STPG2: variants seen among roughly 807,000 people sequenced by gnomAD.
STPG2 encodes sperm tail PG-rich repeat containing 2, also known as sperm-tail PG-rich repeat-containing protein 2.
Under a neutral mutation model 54.2 loss-of-function variants are expected in STPG2, and 56 were observed. The observed-to-expected ratio is 1.03, with a 90% CI of 0.83 to 1.29. The LOEUF (loss-of-function observed/expected upper bound fraction) is 1.29, where lower values mean the gene tolerates loss of function less well. Among genes scored for constraint, STPG2 ranks in the 50% most tolerant of loss-of-function variants. The pLI is 0.00. For synonymous variants in STPG2, 200 were observed against 181.8 expected, an observed-to-expected ratio of 1.10 and a Z score of -0.81; for missense variants, 596 against 544.9, an observed-to-expected ratio of 1.09 and a Z score of -0.93.
intron 9 of STPG2, among the ~76,000 whole-genome samples, chr4:97,771,677 T>G (rs777109950): frequency 2.6e-5 from 4 of 152,118 alleles, no homozygotes; most frequent in African/African-American, 9.7e-5. Flanking sequence ...TATGCAGACA[T>G]GCAGAGGGAA....
intron 4 of STPG2, among the ~76,000 whole-genome samples, chr4:97,456,858 G>A (rs1204092786): frequency 1.5e-5 from 2 of 135,450 alleles, no homozygotes; most frequent in Non-Finnish European, 3.0e-5. Context: ...TCGCGCCACC[G>A]CACTCCAGCC....
At chr4:97,806,583 A>T (rs970580590) in intron 9 of STPG2, among the ~76,000 whole-genome samples, 1 of 152,004 alleles carries the variant, frequency 6.6e-6, no homozygotes, top group Non-Finnish European at 1.5e-5. Context: ...CATCACAATC[A>T]TGCCATCCTC....
intron 10 of STPG2, among the ~76,000 whole-genome samples, chr4:97,571,140 T>G (rs1732589527): frequency 6.6e-6 from 1 of 152,016 alleles, no homozygotes; most frequent in South Asian, 2.1e-4. Flanking sequence ...ATTTTTAAAT[T>G]TTTATTTCCC....
intron 7 of STPG2, among the ~76,000 whole-genome samples, chr4:97,960,095 T>C (rs1989109): frequency 6.6e-6 from 1 of 151,628 alleles, no homozygotes; most frequent in Non-Finnish European, 1.5e-5. Flanking sequence ...AAAAAGAAAA[T>C]TCACATGATC....
intron 10 of STPG2, among the ~76,000 whole-genome samples, chr4:97,628,373 T>C (rs1237786577): frequency 6.6e-6 from 1 of 152,012 alleles, no homozygotes; most frequent in Admixed American, 6.6e-5. Context: ...TGTGCCAGAG[T>C]GAATAATTTG....
intron 9 of STPG2, among the ~76,000 whole-genome samples, chr4:97,737,070 C>T (rs1725028354): frequency 6.6e-6 from 1 of 152,174 alleles, no homozygotes; most frequent in Non-Finnish European, 1.5e-5. Context: ...CGCTGTTCTG[C>T]AGCCACCGCT....
intron 8 of STPG2, among the ~76,000 whole-genome samples, chr4:97,856,712 G>A (rs1729349043): frequency 6.6e-6 from 1 of 152,170 alleles, no homozygotes; most frequent in Non-Finnish European, 1.5e-5. Flanking sequence ...TAGAAGTGGT[G>A]AGAGAGGGCA....
intron 5 of STPG2, among the ~76,000 whole-genome samples, chr4:98,027,683 G>A (rs954254622): frequency 1.3e-5 from 2 of 152,196 alleles, no homozygotes; most frequent in African/African-American, 4.8e-5. Context: ...TCAAAACCCT[G>A]TAAGGAAAAC....
chr4:97,744,514 C>T (rs1474486410), intron 9 of STPG2, among the ~76,000 whole-genome samples: 1 of 151,050 alleles, frequency 6.6e-6, no homozygotes, highest in Non-Finnish European at 1.5e-5. Flanking sequence ...ATTGGTTTTG[C>T]TTACTATTAG....
At chr4:97,776,694 C>T (rs533431345) in intron 9 of STPG2, among the ~76,000 whole-genome samples, 2 of 152,098 alleles carry the variant, frequency 1.3e-5, no homozygotes, top group East Asian at 3.9e-4. Flanking sequence ...AGGACATTGC[C>T]TATAGGAAAG....
chr4:97,719,263 C>T (rs1724378155), intron 9 of STPG2, among the ~76,000 whole-genome samples: 1 of 151,906 alleles, frequency 6.6e-6, no homozygotes, highest in South Asian at 2.1e-4. Context: ...CCTTCTATAG[C>T]TTTAGAAATG....
chr4:97,816,434 T>C (rs532658387), intron 9 of STPG2, among the ~76,000 whole-genome samples: 1 of 152,340 alleles, frequency 6.6e-6, no homozygotes, highest in South Asian at 2.1e-4. Flanking sequence ...TTTCTGGATC[T>C]ATATCCTTAA....
intron 8 of STPG2, among the ~76,000 whole-genome samples, chr4:97,885,102 C>A (rs574571564): frequency 6.6e-6 from 1 of 152,120 alleles, no homozygotes; most frequent in African/African-American, 2.4e-5. Context: ...AGAAACGTAA[C>A]GCTTAACATA....
At chr4:97,671,197 G>C (rs1722684950) in intron 10 of STPG2, among the ~76,000 whole-genome samples, 1 of 152,152 alleles carries the variant, frequency 6.6e-6, no homozygotes, top group South Asian at 2.1e-4. Context: ...AAGGATCAAA[G>C]GATTCCACTA....
intron 9 of STPG2, among the ~76,000 whole-genome samples, chr4:97,802,284 CAT>C (rs1318559210): frequency 6.6e-6 from 1 of 152,106 alleles, no homozygotes; most frequent in African/African-American, 2.4e-5. Flanking sequence ...ACTTTCAAAA[CAT>C]ATTCTAGAGA....
intron 4 of STPG2, among the ~76,000 whole-genome samples, chr4:97,463,920 C>T (rs1729728974): frequency 6.6e-6 from 1 of 152,120 alleles, no homozygotes; most frequent in African/African-American, 2.4e-5. Flanking sequence ...TTTAGTAGAT[C>T]AGGTCTTTGT....
intron 10 of STPG2, among the ~76,000 whole-genome samples, chr4:97,619,235 G>A (rs1003582677): frequency 6.6e-6 from 1 of 152,164 alleles, no homozygotes; most frequent in South Asian, 2.1e-4. Flanking sequence ...TTGTGTGTGT[G>A]TGTATGTGTG....
intron 4 of STPG2, among the ~76,000 whole-genome samples, chr4:97,511,263 G>GA (rs1256420422): frequency 1.3e-5 from 2 of 151,762 alleles, no homozygotes; most frequent in South Asian, 2.1e-4. Flanking sequence ...TAAAAGAACA[G>GA]AAAAAACTGT....
intron 10 of STPG2, among the ~76,000 whole-genome samples, chr4:97,628,840 C>A (rs189490437): frequency 5.3e-5 from 8 of 152,102 alleles, no homozygotes; most frequent in Non-Finnish European, 1.2e-4. Flanking sequence ...TATTGTCACT[C>A]ATGGTCAATT....
Sources: allele counts gnomAD v4.1 joint callset (sites outside exome capture counted in the v4.1 genomes callset), GRCh38; gene constraint gnomAD v4.1.1; transcripts MANE v1.5; gene names NCBI Gene and HGNC (gene_info 2026-07-23, HGNC 2026-07-21).